The following SMARCC1 variants were observed in gnomAD, a reference collection of about 807,000 sequenced individuals.
The protein encoded by SMARCC1 is SWI/SNF complex subunit SMARCC1.
In SMARCC1, 43 loss-of-function variants were observed where a neutral mutation model predicts 147.4. That is an observed-to-expected ratio of 0.29 (90% CI 0.23 to 0.38). SMARCC1 has a LOEUF of 0.38. SMARCC1 is among the 10% of genes least tolerant of loss of function. SMARCC1 has a pLI of 1.00. For synonymous variants in SMARCC1, 495 were observed against 484.4 expected (o/e 1.02, Z -0.29); for missense variants, 1,119 against 1,381.1 (o/e 0.81, Z 3.01).
intron 12 of SMARCC1, among the ~76,000 whole-genome samples, chr3:47,692,798 G>A (rs749793516): frequency 7.2e-5 from 11 of 152,016 alleles, no homozygotes; most frequent in South Asian, 2.1e-4. Context: ...CGAGACAGGC[G>A]GATCATGAGG....
Position 47,758,722 on chromosome 3 carries a change from A to T in SMARCC1, c.316-12729T>A, listed in dbSNP as rs143547469. Among the ~76,000 whole-genome samples, 559 of 152,160 alleles carry T rather than the reference A, an allele frequency of 3.7e-3. 7 individuals are homozygous for T. Among genetic ancestry groups the T allele is most frequent in the South Asian group, 0.029 (142 of 4,818 alleles). ...TTACTATCTGTCCCTTTAATTAATT[A>T]ATTTATTTATTTATTTAGAAACAGG... On this transcript the variant is annotated intron_variant, in intron 2 of 27. Transcript: ENST00000254480.
intron 3 of SMARCC1, among the ~76,000 whole-genome samples, chr3:47,742,978 G>A (rs560627926): frequency 6.6e-6 from 1 of 152,246 alleles, no homozygotes; most frequent in Admixed American, 6.5e-5. Context: ...TTAGAGCTTC[G>A]TGTCACTAGA....
intron 26 of SMARCC1, chr3:47,604,699 CTTTT>C (rs58702136): frequency 1.7e-5 from 2 of 116,076 alleles, no homozygotes; most frequent in African/African-American, 6.2e-5. Context: ...TACTGTTGTT[CTTTT>C]TTTTTTTTTT....
chr3:47,593,919 C>T (rs2106641826), intron 26 of SMARCC1, among the ~76,000 whole-genome samples: 1 of 152,306 alleles, frequency 6.6e-6, no homozygotes, highest in Non-Finnish European at 1.5e-5. Context: ...ATTCCCAGCA[C>T]TTTGCGAGGC....
At chr3:47,672,995 C>T (rs1051922750) in intron 18 of SMARCC1, among the ~76,000 whole-genome samples, 6 of 151,898 alleles carry the variant, frequency 4.0e-5, no homozygotes, top group East Asian at 3.9e-4. Flanking sequence ...ATGCCCAGCC[C>T]GTTTCCTCTC....
intron 5 of SMARCC1, 89 bp downstream of exon 5, chr3:47,735,945 C>A: frequency 2.6e-4 from 127 of 492,034 alleles, no homozygotes; most frequent in South Asian, 1.2e-3. Flanking sequence ...AAATCCAAAA[C>A]ATTACTATGG....
At chr3:47,753,939 G>GA (rs2034658900) in intron 2 of SMARCC1, among the ~76,000 whole-genome samples, 1 of 151,888 alleles carries the variant, frequency 6.6e-6, no homozygotes, top group Non-Finnish European at 1.5e-5. Context: ...GGTTGAAAGA[G>GA]AAAAAAATAC....
In SMARCC1 at chr3:47,614,298, AGT is replaced by A. The variant is rs1354493584; in HGVS notation, c.2782-3973_2782-3972del. ...TGACTTGTCATTTTATCTTTGTTGC[AGT>A]GTGCTTGCTTCTTGAGGCCACAAGT... is the stretch of plus-strand genomic sequence containing the variant. On this transcript the variant is annotated intron_variant, in intron 25 of 27. Transcript: ENST00000254480. Among the ~76,000 whole-genome samples the A allele has an allele frequency of 3.3e-5, 5 of 152,208 alleles. No individual in the cohort carries two copies. The East Asian group carries it at 5.8e-4, about 18-fold the overall frequency.
At chr3:47,615,293 C>T (rs535776769) in intron 25 of SMARCC1, among the ~76,000 whole-genome samples, 14 of 152,274 alleles carry the variant, frequency 9.2e-5, no homozygotes, top group Non-Finnish European at 1.0e-4. Context: ...CCACTGTATC[C>T]TCAGTAGCTG....
In SMARCC1 at chr3:47,778,148, A is replaced by G. The variant is rs1186226654; in HGVS notation, c.195+3455T>C. On this transcript the variant is annotated intron_variant, in intron 1 of 27. Coordinates refer to ENST00000254480, the MANE Select transcript of SMARCC1 (RefSeq NM_003074.4). ...CTTCAACTTGGGAGGCCGAGGTCAC[A>G]CCACTGCACTCCAGCTTGGGCAGAA... Among the ~76,000 whole-genome samples, 3 of 142,134 alleles carry G rather than the reference A, an allele frequency of 2.1e-5. No homozygotes were observed. In the East Asian group the frequency reaches 6.3e-4, roughly 30 times the overall value. The allele number at this position is 142,134 out of a possible 152,430, so 93.2% of individuals were successfully genotyped here. A position where few individuals can be genotyped will look rare whatever the true frequency, so the allele number is the denominator to read the frequency against.
At chr3:47,737,104 G>A (rs1263998456) in intron 4 of SMARCC1, among the ~76,000 whole-genome samples, 4 of 152,100 alleles carry the variant, frequency 2.6e-5, no homozygotes, top group Non-Finnish European at 5.9e-5. Context: ...TAAATAAAAT[G>A]AAGGCAGGCC....
At chr3:47,665,361 C>T (rs2033407742) in intron 19 of SMARCC1, among the ~76,000 whole-genome samples, 1 of 152,184 alleles carries the variant, frequency 6.6e-6, no homozygotes, top group African/African-American at 2.4e-5. Flanking sequence ...AAATAAATCT[C>T]ACTCGGGTCC....
At chr3:47,726,382 C>T (rs913020880) in intron 6 of SMARCC1, among the ~76,000 whole-genome samples, 1 of 151,412 alleles carries the variant, frequency 6.6e-6, no homozygotes, top group South Asian at 2.1e-4. Flanking sequence ...CATGGTGGAA[C>T]GCTTTTAAAG....
At chr3:47,753,999 G>A (rs2034659652) in intron 2 of SMARCC1, among the ~76,000 whole-genome samples, 1 of 152,004 alleles carries the variant, frequency 6.6e-6, no homozygotes, top group African/African-American at 2.4e-5. Flanking sequence ...AATGACACAC[G>A]TCAAAAATTC....
chr3:47,685,094 C>T (rs974335321), intron 14 of SMARCC1, among the ~76,000 whole-genome samples: 1 of 152,098 alleles, frequency 6.6e-6, no homozygotes, highest in African/African-American at 2.4e-5. Flanking sequence ...TTGGCGTATC[C>T]GAACTATCAC....
chr3:47,774,592 T>C (rs1393628168), intron 1 of SMARCC1, among the ~76,000 whole-genome samples: 1 of 151,916 alleles, frequency 6.6e-6, no homozygotes, highest in Non-Finnish European at 1.5e-5. Context: ...TAATTTTTTG[T>C]ATTTTTAGTA....
chr3:47,680,442 T>C lies in SMARCC1; in HGVS notation c.1452A>G (p.Pro484=), dbSNP rs1481849602. The C allele has an allele frequency of 1.9e-6, 3 of 1,609,210 alleles. No homozygotes were observed. The Admixed American group carries it at 5.0e-5, about 27-fold the overall frequency. ...FFNGKNKSKT[P]EIYLAYRNFM... Reference sequence around the variant, plus strand: ...TTCTAAAACACTGGCCTCACATTTCTGGAGTCTTGGATTTGTTTTTTCCAT... The same window carrying C: ...TTCTAAAACACTGGCCTCACATTTCCGGAGTCTTGGATTTGTTTTTTCCAT... Residue 484 remains proline (P), a synonymous_variant, in exon 15 of 28, where the codon CCA becomes CCG. Transcript: ENST00000254480.
intron 24 of SMARCC1, among the ~76,000 whole-genome samples, chr3:47,632,023 C>G (rs76919261): frequency 3.9e-5 from 6 of 152,032 alleles, no homozygotes; most frequent in South Asian, 2.1e-4. Context: ...AATGAAGATA[C>G]GAGCTCCTAG....
intron 6 of SMARCC1, among the ~76,000 whole-genome samples, chr3:47,727,741 G>A (rs151084549): frequency 1.5e-4 from 22 of 149,052 alleles, no homozygotes; most frequent in East Asian, 6.2e-4. Flanking sequence ...TCAGCCTCCC[G>A]AGTAGCTAGG....
Sources: gnomAD v4.1 joint callset for allele counts (sites outside exome capture counted in the v4.1 genomes callset) on GRCh38, gnomAD v4.1.1 for gene constraint, MANE v1.5 for transcripts, NCBI Gene and HGNC (gene_info 2026-07-23, HGNC 2026-07-21) for gene names.